The following FAF1 variants were observed in gnomAD, a reference collection of about 807,000 sequenced individuals.
FAF1 encodes the protein Fas associated factor 1.
A neutral mutation model predicts 92.5 loss-of-function variants in FAF1; 25 were observed. The ratio of observed to expected loss-of-function variants is 0.27; its 90% CI spans 0.20 to 0.38. The LOEUF (loss-of-function observed/expected upper bound fraction) is 0.38, where lower values mean the gene tolerates loss of function less well. FAF1 is among the 10% of genes least tolerant of loss of function. The probability of loss-of-function intolerance (pLI) is 1.00; values close to 1 mark genes in which losing one functional copy is unlikely to be tolerated. For missense variants in FAF1, 636 were observed against 793.3 expected, an observed-to-expected ratio of 0.80 and a Z score of 2.38; for synonymous variants, 234 against 273.2, an observed-to-expected ratio of 0.86 and a Z score of 1.42.
chr1:50,810,286 A>C (rs1662371341), intron 2 of FAF1, among the ~76,000 whole-genome samples: 1 of 152,176 alleles, frequency 6.6e-6, no homozygotes, highest in African/African-American at 2.4e-5. Flanking sequence ...AAATACACAA[A>C]TCAATTAATG....
At chr1:50,840,569 A>G (rs1390027259) in intron 2 of FAF1, among the ~76,000 whole-genome samples, 1 of 152,062 alleles carries the variant, frequency 6.6e-6, no homozygotes, top group African/African-American at 2.4e-5. Flanking sequence ...ACAGACATAT[A>G]GAACTGTCAA....
At chr1:50,641,538 GATA>G (rs1416067588) in intron 8 of FAF1, among the ~76,000 whole-genome samples, 10 of 152,036 alleles carry the variant, frequency 6.6e-5, no homozygotes, top group Non-Finnish European at 5.9e-5. Context: ...TTTGGTTAGT[GATA>G]ATATTAATTA....
intron 8 of FAF1, among the ~76,000 whole-genome samples, chr1:50,611,255 T>C (rs1490754677): frequency 1.3e-5 from 2 of 152,242 alleles, no homozygotes; most frequent in African/African-American, 2.4e-5. Context: ...TAGCTTTGTA[T>C]TAGGGAGAAA....
chr1:50,536,010 T>C (rs1463532509), intron 14 of FAF1, among the ~76,000 whole-genome samples: 1 of 152,310 alleles, frequency 6.6e-6, no homozygotes, highest in East Asian at 1.9e-4. Flanking sequence ...TCGAAGCCTG[T>C]CCTCTTTGCC....
chr1:50,789,127 A>G (rs1051524205), intron 3 of FAF1, among the ~76,000 whole-genome samples: 2 of 152,090 alleles, frequency 1.3e-5, no homozygotes, highest in Non-Finnish European at 2.9e-5. Context: ...GAGCCACTGT[A>G]CCCAGGCTAA....
chr1:50,826,859 C>G (rs1485572980), intron 2 of FAF1, among the ~76,000 whole-genome samples: 1 of 152,108 alleles, frequency 6.6e-6, no homozygotes, highest in East Asian at 1.9e-4. Context: ...AACCTTCTCA[C>G]AAAAAAATTC....
intron 5 of FAF1, among the ~76,000 whole-genome samples, chr1:50,740,966 T>G (rs1659364328): frequency 6.6e-6 from 1 of 152,348 alleles, no homozygotes; most frequent in African/African-American, 2.4e-5. Flanking sequence ...GATTTTCTAT[T>G]AAATTTTCCC....
chr1:50,566,961 A>T (rs1312944606), intron 13 of FAF1, 116 bp downstream of exon 13: 2 of 704,936 alleles, frequency 2.8e-6, no homozygotes, highest in Non-Finnish European at 4.3e-6. Flanking sequence ...TTGTCTAATG[A>T]AATGCAATGG....
chr1:50,593,301 G>C (rs1355551107), intron 9 of FAF1, among the ~76,000 whole-genome samples: 2 of 152,050 alleles, frequency 1.3e-5, no homozygotes, highest in African/African-American at 4.8e-5. Context: ...TCTGCTGATG[G>C]GACCACCCAA....
chr1:50,442,610 T>C (rs1458639522), intron 18 of FAF1, among the ~76,000 whole-genome samples: 4 of 152,186 alleles, frequency 2.6e-5, no homozygotes, highest in Non-Finnish European at 5.9e-5. Context: ...GCTGCTGCTC[T>C]GCTGCTCTGG....
At chr1:50,832,702 T>C (rs1644165140) in intron 2 of FAF1, among the ~76,000 whole-genome samples, 1 of 152,186 alleles carries the variant, frequency 6.6e-6, no homozygotes, top group Non-Finnish European at 1.5e-5. Flanking sequence ...CCACCTCTTT[T>C]CCCTGTCTTT....
chr1:50,885,879 G>A (rs762761989), intron 1 of FAF1, among the ~76,000 whole-genome samples: 6 of 151,900 alleles, frequency 3.9e-5, no homozygotes, highest in East Asian at 1.9e-4. Context: ...AGGTTACCAC[G>A]AGGCTTCCAA....
chr1:50,924,143 G>A (rs911793439), intron 1 of FAF1, among the ~76,000 whole-genome samples: 1 of 151,960 alleles, frequency 6.6e-6, no homozygotes, highest in African/African-American at 2.4e-5. Context: ...GTTTGCAGAC[G>A]ACATGATCTT....
intron 2 of FAF1, among the ~76,000 whole-genome samples, chr1:50,814,282 CAGTATACATAGTA>C (rs776614514): frequency 5.9e-5 from 9 of 152,044 alleles, no homozygotes; most frequent in Non-Finnish European, 1.3e-4. Flanking sequence ...ATTATATGTA[CAGTATACATAGTA>C]AGTATGCATA....
intron 15 of FAF1, among the ~76,000 whole-genome samples, chr1:50,496,548 C>G (rs1251144145): frequency 6.6e-6 from 1 of 152,204 alleles, no homozygotes; most frequent in Non-Finnish European, 1.5e-5. Flanking sequence ...AGAAGCCCCA[C>G]TGTGACCAGA....
intron 8 of FAF1, among the ~76,000 whole-genome samples, chr1:50,631,499 A>G (rs1020860974): frequency 6.6e-6 from 1 of 152,284 alleles, no homozygotes; most frequent in Admixed American, 6.5e-5. Context: ...TTTACTTAAT[A>G]ATGGCCCCAA....
chr1:50,785,220 T>C (rs992345979), intron 4 of FAF1, among the ~76,000 whole-genome samples: 2 of 151,334 alleles, frequency 1.3e-5, no homozygotes, highest in African/African-American at 4.9e-5. Context: ...ACACTGATCT[T>C]GGCAATGGTT....
chr1:50,552,137 A>C (rs1297724348), intron 13 of FAF1, among the ~76,000 whole-genome samples: 1 of 152,106 alleles, frequency 6.6e-6, no homozygotes. Flanking sequence ...TCTACTAAAA[A>C]TACAAAAAAA....
At chr1:50,522,103 C>T (rs1007553921) in intron 15 of FAF1, among the ~76,000 whole-genome samples, 3 of 152,128 alleles carry the variant, frequency 2.0e-5, no homozygotes, top group African/African-American at 7.2e-5. Flanking sequence ...TAGAAGTACG[C>T]AATTAAGAGA....
Sources: allele counts gnomAD v4.1 joint callset (sites outside exome capture counted in the v4.1 genomes callset), GRCh38; gene constraint gnomAD v4.1.1; transcripts MANE v1.5; gene names NCBI Gene and HGNC (gene_info 2026-07-23, HGNC 2026-07-21).